Variants in RORA observed in about 807,000 individuals in gnomAD.
RORA encodes the protein nuclear receptor ROR-alpha.
A neutral mutation model predicts 69.5 loss-of-function variants in RORA; 7 were observed. The observed-to-expected ratio is 0.10, with a 90% CI of 0.06 to 0.19. The LOEUF (loss-of-function observed/expected upper bound fraction) is 0.19. Ranked by LOEUF, RORA falls within the 10% of genes least tolerant of loss-of-function variation. The probability of loss-of-function intolerance (pLI) is 1.00; values close to 1 mark genes in which losing one functional copy is unlikely to be tolerated. For missense variants in RORA, 457 were observed against 663.0 expected (o/e 0.69, Z 3.41); for synonymous variants, 261 against 240.8 (o/e 1.08, Z -0.78).
intron 1 of RORA, among the ~76,000 whole-genome samples, chr15:60,697,614 G>T (rs2070923534): frequency 6.7e-6 from 1 of 149,884 alleles, no homozygotes; most frequent in East Asian, 2.0e-4. Flanking sequence ...CTCACACATT[G>T]CAGTAATTCT....
chr15:61,142,925 C>A (rs1038788380), intron 1 of RORA, among the ~76,000 whole-genome samples: 1 of 152,048 alleles, frequency 6.6e-6, no homozygotes, highest in Non-Finnish European at 1.5e-5. Context: ...CTAAATGATA[C>A]CCTAAGAGGC....
chr15:61,049,043 T>C (rs1897175260), intron 1 of RORA, among the ~76,000 whole-genome samples: 1 of 152,078 alleles, frequency 6.6e-6, no homozygotes, highest in Admixed American at 6.5e-5. Context: ...CCCCCACACA[T>C]CTGAACACCC....
intron 1 of RORA, among the ~76,000 whole-genome samples, chr15:61,145,586 G>C (rs1185664198): frequency 6.6e-6 from 1 of 152,178 alleles, no homozygotes; most frequent in Non-Finnish European, 1.5e-5. Context: ...GAGTAACAGA[G>C]AAATGTCTTT....
At chr15:60,819,761 A>ACACACACACACACACACACACG in intron 1 of RORA, among the ~76,000 whole-genome samples, 1 of 138,136 alleles carries the variant, frequency 7.2e-6, no homozygotes, top group African/African-American at 2.6e-5. Context: ...ACACACACAC[A>ACACACACACACACACACACACG]CACACACACA....
At chr15:61,135,443 C>A (rs1464252308) in intron 1 of RORA, among the ~76,000 whole-genome samples, 1 of 152,044 alleles carries the variant, frequency 6.6e-6, no homozygotes, top group African/African-American at 2.4e-5. Flanking sequence ...CTACTTACAG[C>A]AAGTGCAGAC....
intron 2 of RORA, among the ~76,000 whole-genome samples, chr15:60,557,601 G>C (rs1419680898): frequency 1.3e-5 from 2 of 152,210 alleles, no homozygotes; most frequent in Admixed American, 6.5e-5. Context: ...AGTTGGTCAA[G>C]TCTACTTGTA....
chr15:61,141,079 A>C (rs994305124), intron 1 of RORA, among the ~76,000 whole-genome samples: 2 of 151,200 alleles, frequency 1.3e-5, no homozygotes, highest in African/African-American at 4.9e-5. Context: ...AATTGGACCC[A>C]AAAAAATCCT....
At position 61,037,702 on chromosome 15, in the gene RORA, A is replaced by G. The variant is rs1403728734; in HGVS notation, c.166+191351T>C. The stretch of plus-strand genomic sequence containing the variant: ...GATGCTGAGGATAATACAAAGAGCA[A>G]CAAGAAAATCACCCTGTCCTCAAGG... On this transcript the variant is annotated intron_variant, in intron 1 of 10. Coordinates refer to ENST00000335670, the MANE Select transcript of RORA (RefSeq NM_134261.3). Among the ~76,000 whole-genome samples the G allele has an allele frequency of 2.0e-5, 3 of 152,218 alleles. No individual in the cohort carries two copies. The East Asian group carries it at 5.8e-4, about 29-fold the overall frequency.
chr15:60,679,891 C>A lies in RORA; in HGVS notation c.167-1205G>T, dbSNP rs114237268. On this transcript the variant is annotated intron_variant, in intron 1 of 10. Coordinates refer to ENST00000335670, the MANE Select transcript of RORA (RefSeq NM_134261.3). ...CAACTCAAATTCTTCTCCCCGACCC[C>A]GCAACTTTTATTGAGGAAAACTATT... is the stretch of plus-strand genomic sequence containing the variant. 4.4e-3 allele frequency among the ~76,000 whole-genome samples: 673 copies of A among 151,812 alleles called. 8 individuals are homozygous for A. The highest frequency in any genetic ancestry group is 0.016 in the African/African-American group (647 of 41,352).
intron 1 of RORA, among the ~76,000 whole-genome samples, chr15:61,193,184 T>C (rs1252689174): frequency 6.6e-6 from 1 of 152,210 alleles, no homozygotes; most frequent in Non-Finnish European, 1.5e-5. Context: ...GTTTCTACCA[T>C]CCTGAAATAC....
At chr15:60,798,221 GACACACACACACACACACACACACAC>G (rs34480684) in intron 1 of RORA, among the ~76,000 whole-genome samples, 1 of 145,814 alleles carries the variant, frequency 6.9e-6, no homozygotes, top group Admixed American at 6.8e-5. Flanking sequence ...TTCCCCAACA[GACACACACACACACACACACACACAC>G]ACACACACAC....
In RORA at chr15:60,561,770, C is replaced by T. The variant is rs887207365; in HGVS notation, c.197-29919G>A. ...TATATAAGTGATGCAAAATTTATCACGCCCTGAGAGACATAATATGGGACT... is the reference window on the plus strand; with the variant it reads ...TATATAAGTGATGCAAAATTTATCATGCCCTGAGAGACATAATATGGGACT... On this transcript the variant is annotated intron_variant, in intron 2 of 10. Coordinates refer to ENST00000335670, the MANE Select transcript of RORA (RefSeq NM_134261.3). Among the ~76,000 whole-genome samples the T allele has an allele frequency of 5.3e-5, 8 of 152,058 alleles. No homozygotes were observed. In the East Asian group the frequency reaches 5.8e-4, roughly 11 times the overall value.
At chr15:60,769,586 G>C (rs551588808) in intron 1 of RORA, among the ~76,000 whole-genome samples, 1 of 152,132 alleles carries the variant, frequency 6.6e-6, no homozygotes, top group African/African-American at 2.4e-5. Context: ...GCCTGCTTAG[G>C]TCTCAGTGGA....
chr15:60,672,704 C>T (rs373766954), intron 2 of RORA, among the ~76,000 whole-genome samples: 14 of 152,124 alleles, frequency 9.2e-5, no homozygotes, highest in Admixed American at 3.9e-4. Flanking sequence ...ATTTAAAATG[C>T]GGGTGCAAGC....
intron 1 of RORA, among the ~76,000 whole-genome samples, chr15:61,086,354 G>A (rs57581006): frequency 0.011 from 1,638 of 152,306 alleles, 37 homozygotes; most frequent in African/African-American, 0.037. Flanking sequence ...TATTTTGACC[G>A]ATCTGAAATT....
At chr15:60,737,055 C>A (rs537744616) in intron 1 of RORA, among the ~76,000 whole-genome samples, 1 of 152,260 alleles carries the variant, frequency 6.6e-6, no homozygotes, top group South Asian at 2.1e-4. Flanking sequence ...TACTTTCAGA[C>A]CTGAACCCCT....
rs142970578 is a variant in RORA at position 60,727,754 on chromosome 15, G to A, written c.167-49068C>T. Among the ~76,000 whole-genome samples, 62 of 152,282 alleles carry A rather than the reference G, an allele frequency of 4.1e-4. 2 individuals carry two copies. In the East Asian group the frequency reaches 0.012, roughly 29 times the overall value. ...CCGGCCATCGCTCTTATCCCACCTA[G>A]TAAGAGAAGGAGCAGGATCTCAGAT... On this transcript the variant is annotated intron_variant, in intron 1 of 10. Transcript: ENST00000335670.
chr15:60,994,276 T>C (rs1185801840), intron 1 of RORA, among the ~76,000 whole-genome samples: 1 of 152,194 alleles, frequency 6.6e-6, no homozygotes, highest in East Asian at 1.9e-4. Flanking sequence ...AATTTCTTCT[T>C]TATATTCCAA....
intron 2 of RORA, among the ~76,000 whole-genome samples, chr15:60,575,523 G>A (rs185053622): frequency 6.6e-6 from 1 of 152,232 alleles, no homozygotes; most frequent in African/African-American, 2.4e-5. Flanking sequence ...TTTCAGTACT[G>A]AGAGTATATG....
Sources: gnomAD v4.1 joint callset for allele counts (sites outside exome capture counted in the v4.1 genomes callset) on GRCh38, gnomAD v4.1.1 for gene constraint, MANE v1.5 for transcripts, NCBI Gene and HGNC (gene_info 2026-07-23, HGNC 2026-07-21) for gene names.